Variants in ATXN7 observed in about 807,000 individuals in gnomAD.
ATXN7 encodes the protein ataxin-7.
A neutral mutation model predicts 70.5 loss-of-function variants in ATXN7; 12 were observed. The observed-to-expected ratio is 0.17, with a 90% CI of 0.11 to 0.28. The LOEUF (loss-of-function observed/expected upper bound fraction) is 0.28. ATXN7 is among the 10% of genes least tolerant of loss of function. The pLI is 1.00. For synonymous variants in ATXN7, 498 were observed against 448.7 expected (o/e 1.11, Z -1.39); for missense variants, 1,256 against 1,131.7 (o/e 1.11, Z -1.58).
chr3:63,965,424 CTG>C (rs1366099382), intron 5 of ATXN7, among the ~76,000 whole-genome samples: 1 of 152,108 alleles, frequency 6.6e-6, no homozygotes, highest in African/African-American at 2.4e-5. Flanking sequence ...GCAAGTTTGC[CTG>C]TTTGCTGCGA....
chr3:63,946,450 T>C (rs2074864797), intron 4 of ATXN7, among the ~76,000 whole-genome samples: 1 of 151,976 alleles, frequency 6.6e-6, no homozygotes, highest in South Asian at 2.1e-4. Context: ...CCATCCTGGC[T>C]AAGACAGTGA....
At chr3:63,918,948 G>T (rs914983270) in intron 4 of ATXN7, among the ~76,000 whole-genome samples, 2 of 152,092 alleles carry the variant, frequency 1.3e-5, no homozygotes, top group Non-Finnish European at 2.9e-5. Flanking sequence ...CGTGACAGTG[G>T]GCATTGTCCT....
chr3:63,938,489 C>T (rs532830660), intron 4 of ATXN7, among the ~76,000 whole-genome samples: 6 of 152,302 alleles, frequency 3.9e-5, no homozygotes, highest in African/African-American at 1.4e-4. Flanking sequence ...TTACAAATCT[C>T]TCCCCTCCCC....
chr3:63,941,785 A>C (rs942642192), intron 4 of ATXN7, among the ~76,000 whole-genome samples: 7 of 152,168 alleles, frequency 4.6e-5, no homozygotes, highest in African/African-American at 1.7e-4. Context: ...TGGAGTAGAC[A>C]ATATGAATCT....
At chr3:63,929,426 C>A (rs1575910430) in intron 4 of ATXN7, among the ~76,000 whole-genome samples, 2 of 152,204 alleles carry the variant, frequency 1.3e-5, no homozygotes, top group East Asian at 3.9e-4. Context: ...GCATGCGCCA[C>A]CATGCCCAGC....
chr3:63,928,389 A>G (rs149541816), intron 4 of ATXN7, among the ~76,000 whole-genome samples: 5 of 144,122 alleles, frequency 3.5e-5, no homozygotes, highest in African/African-American at 8.2e-5. Flanking sequence ...CCTTATAGCT[A>G]TGTGGTTGCA....
chr3:63,941,573 T>G (rs1012396768), intron 4 of ATXN7, among the ~76,000 whole-genome samples: 1 of 152,158 alleles, frequency 6.6e-6, no homozygotes, highest in Admixed American at 6.5e-5. Flanking sequence ...GCCAGAAAGG[T>G]TGGGGACTGC....
chr3:63,915,101 T>TA (rs1224351435), intron 4 of ATXN7, among the ~76,000 whole-genome samples: 1 of 152,104 alleles, frequency 6.6e-6, no homozygotes, highest in East Asian at 1.9e-4. Context: ...CACACCCAGC[T>TA]AATTTTTTGT....
intron 5 of ATXN7, 30 bp from the exon 6 acceptor site, chr3:63,979,884 GA>G: frequency 6.2e-7 from 1 of 1,610,624 alleles, no homozygotes; most frequent in Non-Finnish European, 8.5e-7. Flanking sequence ...CCTAAAACAT[GA>G]TGTCTTTTTT....
rs59256288 is a variant in ATXN7 at position 63,952,835 on chromosome 3, C to CTTTTTTTTTTTTTTTTTT, written c.499+366_499+383dup. ...ACACTCACAATATGGATGCATGGGC[C>CTTTTTTTTTTTTTTTTTT]TTTTTTTTTTTTTTTTTTTTTTTTT... On this transcript the variant is annotated intron_variant, in intron 5 of 12. Coordinates refer to ENST00000674280, the MANE Select transcript of ATXN7 (RefSeq NM_001377405.1). Among the ~76,000 whole-genome samples, 8 of 49,164 alleles carry CTTTTTTTTTTTTTTTTTT rather than the reference C, an allele frequency of 1.6e-4. 1 individual carries two copies. The highest frequency in any genetic ancestry group is 3.1e-4 in the African/African-American group (3 of 9,806). 32.3% of individuals were successfully genotyped at this position (49,164 alleles called of 152,430 possible).
rs778232588 is a variant in ATXN7, at chr3:63,996,061, C to G, written c.2239C>G (p.Pro747Ala). ...NCVAHSGPPY[P>A]STVTSSHSIG... ...TGTGGCTCACTCTGGGCCTCCCTAC[C>G]CCTCAACGGTAACATCTTCCCATAG... The change falls in exon 12 of 13, where the codon CCC (proline) becomes GCC (alanine). Residue 747 changes from proline (P) to alanine (A), a missense_variant. By Grantham distance (27) the Pro-to-Ala change is conservative (BLOSUM62 -1). Transcript: ENST00000674280. 1.1e-5 allele frequency: 17 copies of G among 1,614,072 alleles called. No individual in the cohort carries two copies. The African/African-American group carries it at 1.9e-4, about 18-fold the overall frequency.
chr3:63,927,683 T>A (rs1045396422), intron 4 of ATXN7, among the ~76,000 whole-genome samples: 1 of 152,192 alleles, frequency 6.6e-6, no homozygotes, highest in African/African-American at 2.4e-5. Flanking sequence ...TTTCCCAAGA[T>A]AAACTCTGTG....
In ATXN7 at chr3:63,917,892, G is replaced by A. The variant is rs757766635; in HGVS notation, c.394+4667G>A. The stretch of plus-strand genomic sequence containing the variant: ...AAGACAGTATTCTGTGTGTTTGTGT[G>A]TTTAGGGGGTGTTGCTGTATGGCCC... On this transcript the variant is annotated intron_variant, in intron 4 of 12. Coordinates refer to ENST00000674280, the MANE Select transcript of ATXN7 (RefSeq NM_001377405.1). Among the ~76,000 whole-genome samples, 7 of 152,208 alleles carry A rather than the reference G, an allele frequency of 4.6e-5. No homozygotes were observed. The South Asian group carries it at 1.0e-3, about 22-fold the overall frequency.
At position 63,952,835 on chromosome 3, in the gene ATXN7, CTTTTTTTTTTTT is replaced by C. The variant is rs59256288; in HGVS notation, c.499+372_499+383del. ...ACACTCACAATATGGATGCATGGGC[CTTTTTTTTTTTT>C]TTTTTTTTTTTTTTTTTTTAAGGAA... On this transcript the variant is annotated intron_variant, in intron 5 of 12. Transcript: ENST00000674280. Among the ~76,000 whole-genome samples the C allele has an allele frequency of 1.7e-3, 85 of 49,158 alleles. 1 individual carries two copies. Among genetic ancestry groups the C allele is most frequent in the South Asian group, 0.013 (20 of 1,528 alleles). 32.2% of individuals were successfully genotyped at this position (49,158 alleles called of 152,430 possible).
intron 5 of ATXN7, among the ~76,000 whole-genome samples, chr3:63,965,375 C>T (rs1413682513): frequency 6.6e-6 from 1 of 152,132 alleles, no homozygotes; most frequent in Non-Finnish European, 1.5e-5. Context: ...GGCTGGCTGC[C>T]CCCTGAACCC....
intron 2 of ATXN7, among the ~76,000 whole-genome samples, chr3:63,902,768 A>G (rs1433883571): frequency 1.3e-5 from 2 of 152,152 alleles, no homozygotes; most frequent in Non-Finnish European, 2.9e-5. Flanking sequence ...TTATCAGTCC[A>G]TGCCGTTGCC....
intron 4 of ATXN7, among the ~76,000 whole-genome samples, chr3:63,919,290 C>T (rs545776827): frequency 6.6e-6 from 1 of 152,264 alleles, no homozygotes; most frequent in African/African-American, 2.4e-5. Context: ...CAACAGAGAC[C>T]ATATGACCCA....
intron 1 of ATXN7, among the ~76,000 whole-genome samples, chr3:63,868,430 C>T (rs933196778): frequency 2.0e-5 from 3 of 152,194 alleles, no homozygotes; most frequent in African/African-American, 7.2e-5. Context: ...GAAGGACTTA[C>T]AAGCCAGGTT....
chr3:63,923,533 G>C (rs570730885), intron 4 of ATXN7, among the ~76,000 whole-genome samples: 12 of 152,180 alleles, frequency 7.9e-5, no homozygotes, highest in Non-Finnish European at 1.8e-4. Flanking sequence ...CAGGCTGGGC[G>C]TGGTGGCTCA....
Sources: allele counts gnomAD v4.1 joint callset (sites outside exome capture counted in the v4.1 genomes callset), GRCh38; gene constraint gnomAD v4.1.1; transcripts MANE v1.5; gene names NCBI Gene and HGNC (gene_info 2026-07-23, HGNC 2026-07-21).